The following ADAMTS14 variants were observed in gnomAD, a reference collection of about 807,000 sequenced individuals.
The protein encoded by ADAMTS14 is A disintegrin and metalloproteinase with thrombospondin motifs 14.
Under a neutral mutation model 128.6 loss-of-function variants are expected in ADAMTS14, and 100 were observed. The ratio of observed to expected loss-of-function variants is 0.78; its 90% confidence interval spans 0.66 to 0.92. The LOEUF is 0.92. Among genes scored for constraint, ADAMTS14 ranks in the 40% least tolerant of loss-of-function variants. The probability of loss-of-function intolerance (pLI) is 0.00; values close to 1 mark genes in which losing one functional copy is unlikely to be tolerated. For synonymous variants in ADAMTS14, 665 were observed against 653.8 expected, an observed-to-expected ratio of 1.02 and a Z score of -0.26; for missense variants, 1,562 against 1,658.6, an observed-to-expected ratio of 0.94 and a Z score of 1.01.
rs2132741246 is a variant in ADAMTS14 at position 70,751,500 on chromosome 10, G to C, written c.2450G>C (p.Gly817Ala). 6.2e-7 allele frequency: 1 copy of C among 1,607,266 alleles called. No individual in the cohort carries two copies. Among genetic ancestry groups the C allele is most frequent in the South Asian group, 1.1e-5 (1 of 90,884 alleles). ...CAGGCTCTCCCCCCAACTGAGGGTGGCCCCCGCAGCAGCCTGGCCTACAAG... is the reference window on the plus strand; with the variant it reads ...CAGGCTCTCCCCCCAACTGAGGGTGCCCCCCGCAGCAGCCTGGCCTACAAG... ...AILALPPTEG[G>A]PRSSLAYKYV... The change falls in exon 17 of 22, where the codon GGC becomes GCC. Residue 817 changes from glycine to alanine, a missense_variant. By Grantham distance (60) the Gly-to-Ala change is moderately conservative. Transcript: ENST00000373207.
chr10:70,679,475 C>G (rs1564516540), intron 2 of ADAMTS14, among the ~76,000 whole-genome samples: 1 of 152,124 alleles, frequency 6.6e-6, no homozygotes, highest in Non-Finnish European at 1.5e-5. Context: ...CAGTTCTTTG[C>G]GGATCCTGGA....
chr10:70,684,583 T>C (rs190900003), intron 2 of ADAMTS14, among the ~76,000 whole-genome samples: 174 of 152,406 alleles, frequency 1.1e-3, no homozygotes, highest in African/African-American at 4.1e-3. Flanking sequence ...TTTATGTATC[T>C]GTAAAGTGGG....
At chr10:70,726,789 A>G (rs1450247708) in intron 4 of ADAMTS14, among the ~76,000 whole-genome samples, 1 of 152,014 alleles carries the variant, frequency 6.6e-6, no homozygotes, top group Non-Finnish European at 1.5e-5. Flanking sequence ...CCCCTACTCC[A>G]CCCTGAAGTC....
chr10:70,686,740 CG>C (rs1339954700), intron 2 of ADAMTS14, among the ~76,000 whole-genome samples: 1 of 46,318 alleles, frequency 2.2e-5, no homozygotes, highest in South Asian at 1.1e-3. Context: ...CCGCCTTTCC[CG>C]CCTTTCTATT....
chr10:70,752,453 G>GA (rs1554823607), intron 18 of ADAMTS14, among the ~76,000 whole-genome samples: 1 of 125,474 alleles, frequency 8.0e-6, no homozygotes, highest in Non-Finnish European at 1.7e-5. Context: ...CAGCCTGCCA[G>GA]CCCCCAGCCA....
intron 4 of ADAMTS14, among the ~76,000 whole-genome samples, chr10:70,712,284 G>T (rs1306685146): frequency 6.6e-6 from 1 of 152,178 alleles, no homozygotes; most frequent in Non-Finnish European, 1.5e-5. Context: ...GAGACCTCAG[G>T]ATGCCCAAGA....
intron 21 of ADAMTS14, 78 bp from the exon 22 acceptor site, chr10:70,760,282 G>A: frequency 6.7e-7 from 1 of 1,495,436 alleles, no homozygotes; most frequent in Non-Finnish European, 8.9e-7. Context: ...CAGTCAGTGG[G>A]TAAGTGGGAG....
chr10:70,733,857 C>T, intron 7 of ADAMTS14, 28 bp from the exon 8 acceptor site: 2 of 1,601,360 alleles, frequency 1.2e-6, no homozygotes, highest in Non-Finnish European at 1.7e-6. Flanking sequence ...TGGGATGTAT[C>T]AGGACTCCTC....
intron 4 of ADAMTS14, among the ~76,000 whole-genome samples, chr10:70,728,546 C>T (rs7086383): frequency 0.043 from 6,507 of 152,240 alleles, 186 homozygotes; most frequent in South Asian, 0.08. Flanking sequence ...GCTGAGTGTC[C>T]GCCTCATGAA....
chr10:70,709,788 C>A (rs551141292), intron 4 of ADAMTS14, among the ~76,000 whole-genome samples: 1 of 152,338 alleles, frequency 6.6e-6, no homozygotes, highest in South Asian at 2.1e-4. Flanking sequence ...GCGTGAGCCA[C>A]CGCGCCCAGC....
chr10:70,676,163 A>G (rs1839642062), intron 2 of ADAMTS14, among the ~76,000 whole-genome samples: 1 of 148,070 alleles, frequency 6.8e-6, no homozygotes, highest in African/African-American at 2.5e-5. Flanking sequence ...GATTTTCACT[A>G]TGTTGCCCAG....
At position 70,741,115 on chromosome 10, in the gene ADAMTS14, T is replaced by G. The variant is rs761465181; in HGVS notation, c.1877T>G (p.Val626Gly). Residue 626 changes from valine to glycine, a missense_variant, in exon 12 of 22, where the codon GTG becomes GGG. Val to Gly is a moderately radical substitution (Grantham distance 109). Transcript: ENST00000373207. The part of the protein sequence containing the change: ...QQCAKRNSYY[V>G]HQNAKHSWVP... ...TGTGCCAAGCGCAACTCCTACTATG[T>G]GCACCAGAATGCCAAGCACAGCTGG... 1 of 1,613,716 alleles carries G rather than the reference T, an allele frequency of 6.2e-7. No homozygotes were observed. The highest frequency in any genetic ancestry group is 8.5e-7 in the Non-Finnish European group (1 of 1,180,000).
chr10:70,733,355 G>A (rs1465094785), intron 7 of ADAMTS14, among the ~76,000 whole-genome samples: 1 of 152,242 alleles, frequency 6.6e-6, no homozygotes, highest in Non-Finnish European at 1.5e-5. Flanking sequence ...CCTACCATGT[G>A]CAAAGCTCTG....
chr10:70,700,767 C>G (rs993378524), intron 2 of ADAMTS14, among the ~76,000 whole-genome samples: 1 of 152,224 alleles, frequency 6.6e-6, no homozygotes, highest in Non-Finnish European at 1.5e-5. Context: ...CGTCATAGCA[C>G]CGGGCAGGAC....
chr10:70,757,492 C>T (rs2132758265), intron 19 of ADAMTS14, among the ~76,000 whole-genome samples: 1 of 152,282 alleles, frequency 6.6e-6, no homozygotes, highest in East Asian at 1.9e-4. Flanking sequence ...ATCCAGGCCC[C>T]TATATCCTGT....
intron 3 of ADAMTS14, 90 bp downstream of exon 3, chr10:70,702,558 G>A: frequency 1.4e-6 from 2 of 1,474,196 alleles, no homozygotes; most frequent in Non-Finnish European, 1.8e-6. Context: ...GTCCATGTCT[G>A]GCCTCAGTCT....
At chr10:70,749,231 A>G (rs1359639295) in intron 15 of ADAMTS14, among the ~76,000 whole-genome samples, 1 of 151,774 alleles carries the variant, frequency 6.6e-6, no homozygotes, top group African/African-American at 2.4e-5. Flanking sequence ...ATGTTTATGA[A>G]CTCTTCTCGT....
Position 70,761,419 on chromosome 10 carries a change from T to C in ADAMTS14, c.*566T>C, listed in dbSNP as rs2688769. On this transcript the variant is annotated 3_prime_UTR_variant, in exon 22 of 22. Transcript: ENST00000373207. ...ACAAGGTGATCGCAGGCCCAGCTCC[T>C]GGAAGCCAAGAGCTCCATGCAGTTC... 92,816 of 152,492 alleles carry C rather than the reference T, an allele frequency of 0.61. 28,480 individuals are homozygous for C. The highest frequency in any genetic ancestry group is 0.7 in the East Asian group (3,609 of 5,172). 9.4% of individuals were successfully genotyped at this position (152,492 alleles called of 1,614,324 possible). A position where few individuals can be genotyped will look rare whatever the true frequency, so the allele number is the denominator to read the frequency against.
chr10:70,738,454 G>T lies in ADAMTS14; in HGVS notation c.1600-388G>T, dbSNP rs1841893119. On this transcript the variant is annotated intron_variant, in intron 10 of 21. Transcript: ENST00000373207. ...AAGCACATCTCATGATCCCTGGAAG[G>T]TGATTTTGAGATACAGAGCCAAGAT... Among the ~76,000 whole-genome samples the T allele has an allele frequency of 3.3e-5, 5 of 152,184 alleles. No homozygotes were observed. In the South Asian group the frequency reaches 1.0e-3, roughly 32 times the overall value.
Sources: gnomAD v4.1 joint callset for allele counts (sites outside exome capture counted in the v4.1 genomes callset) on GRCh38, gnomAD v4.1.1 for gene constraint, MANE v1.5 for transcripts, NCBI Gene and HGNC (gene_info 2026-07-23, HGNC 2026-07-21) for gene names.